The following ZSCAN23 variants were observed in gnomAD, a reference collection of about 807,000 sequenced individuals.
ZSCAN23 encodes the protein zinc finger and SCAN domain containing 23.
In ZSCAN23, 19 loss-of-function variants were observed where a neutral mutation model predicts 19.3. The observed-to-expected ratio is 0.99, with a 90% CI of 0.69 to 1.45. The LOEUF (loss-of-function observed/expected upper bound fraction) is 1.45. Ranked by LOEUF, ZSCAN23 falls within the 40% of genes most tolerant of loss-of-function variation. ZSCAN23 has a pLI of 0.00. For missense variants in ZSCAN23, 372 were observed against 462.5 expected, an observed-to-expected ratio of 0.80 and a Z score of 1.79; for synonymous variants, 140 against 166.2, an observed-to-expected ratio of 0.84 and a Z score of 1.21.
rs1373330837 is a variant in ZSCAN23 at position 28,433,746 on chromosome 6, GT to G, written c.*718del. On this transcript the variant is annotated 3_prime_UTR_variant, in exon 4 of 4. Transcript: ENST00000289788. ...AAAAACAAAAAAATGCTCATTATAT[GT>G]TACGGGAAAAATACAAAGAGGCCTG... 2 of 152,040 alleles carry G rather than the reference GT, an allele frequency of 1.3e-5. No homozygotes were observed. Among genetic ancestry groups the G allele is most frequent in the African/African-American group, 4.8e-5 (2 of 41,414 alleles). The allele number at this position is 152,040 out of a possible 1,614,324, so 9.4% of individuals were successfully genotyped here. A position where few individuals can be genotyped will look rare whatever the true frequency, so the allele number is the denominator to read the frequency against.
intron 1 of ZSCAN23, among the ~76,000 whole-genome samples, chr6:28,440,140 G>T (rs1761974010): frequency 6.6e-6 from 1 of 152,196 alleles, no homozygotes; most frequent in South Asian, 2.1e-4. Flanking sequence ...AAAGGTAACT[G>T]CCAAGTGCAA....
At chr6:28,426,103 A>G in the ZSCAN23 span, among the ~76,000 whole-genome samples, 1 of 152,196 alleles carries the variant, frequency 6.6e-6, no homozygotes, top group East Asian at 1.9e-4. Context: ...AGATCACTCA[A>G]ACTTTCTCCG....
intron 1 of ZSCAN23, among the ~76,000 whole-genome samples, chr6:28,438,990 A>C (rs1462302326): frequency 6.6e-6 from 1 of 152,200 alleles, no homozygotes; most frequent in African/African-American, 2.4e-5. Flanking sequence ...AATCCTCTCC[A>C]TAAAGTTCTG....
At chr6:28,439,082 C>A (rs1761950896) in intron 1 of ZSCAN23, among the ~76,000 whole-genome samples, 1 of 151,772 alleles carries the variant, frequency 6.6e-6, no homozygotes, top group Non-Finnish European at 1.5e-5. Flanking sequence ...ACAGAATCTG[C>A]AAATTCATGT....
intron 1 of ZSCAN23, among the ~76,000 whole-genome samples, chr6:28,441,990 G>T (rs763916300): frequency 6.7e-6 from 1 of 150,140 alleles, no homozygotes; most frequent in Non-Finnish European, 1.5e-5. Context: ...CAATCCTCCT[G>T]CCTCAGCTTC....
rs1417948605 is a variant in ZSCAN23, at chr6:28,443,441, T to A, written c.-120A>T. On this transcript the variant is annotated 5_prime_UTR_variant, in exon 1 of 4. The change abolishes an upstream ATG in the 5' untranslated region. Transcript: ENST00000289788. Reference sequence around the variant, plus strand: ...GAGATGCCACCTAGCGCAGATCACATCTGCTCTGAATCCTTGACAACCGCA... The same window carrying A: ...GAGATGCCACCTAGCGCAGATCACAACTGCTCTGAATCCTTGACAACCGCA... 6.6e-6 allele frequency: 1 copy of A among 152,236 alleles called. No individual in the cohort carries two copies. The highest frequency in any genetic ancestry group is 6.5e-5 in the Admixed American group (1 of 15,284). 9.4% of individuals were successfully genotyped at this position (152,236 alleles called of 1,614,324 possible).
downstream of ZSCAN23, among the ~76,000 whole-genome samples, chr6:28,428,938 A>G (rs1384930774): frequency 1.3e-5 from 2 of 152,144 alleles, no homozygotes; most frequent in Non-Finnish European, 2.9e-5. Context: ...ATTCCTCAGC[A>G]TATTTCAGTT....
rs574912569 is a variant in ZSCAN23 at position 28,440,141 on chromosome 6, C to T, written c.-78+3258G>A. 2.0e-5 allele frequency among the ~76,000 whole-genome samples: 3 copies of T among 152,250 alleles called. No homozygotes were observed. In the East Asian group the frequency reaches 5.8e-4, roughly 29 times the overall value. On this transcript the variant is annotated intron_variant, in intron 1 of 3. Coordinates refer to ENST00000289788, the MANE Select transcript of ZSCAN23 (RefSeq NM_001012455.2). The stretch of plus-strand genomic sequence containing the variant: ...AGACTGTTCCATGCAAAGGTAACTG[C>T]CAAGTGCAAATTTTTGCAGGTGGGA...
the ZSCAN23 span, among the ~76,000 whole-genome samples, chr6:28,424,859 C>T: frequency 5.3e-5 from 8 of 152,316 alleles, no homozygotes; most frequent in Admixed American, 5.2e-4. Flanking sequence ...CTTCCAAACT[C>T]CTGTTCATGT....
rs2114035208 is a variant in ZSCAN23, at chr6:28,436,244, T to C, written c.23A>G (p.Gln8Arg). The C allele has an allele frequency of 6.4e-7, 1 of 1,550,990 alleles. No individual in the cohort carries two copies. Among genetic ancestry groups the C allele is most frequent in the East Asian group, 2.4e-5 (1 of 40,916 alleles). MAITLTL[Q>R]TAEMQEGLLA... ...AAGTCCTTCCTGCATCTCTGCAGTC[T>C]GAAGGGTCAAGGTTATGGCCATCAA... Residue 8 changes from glutamine to arginine, a missense_variant, in exon 2 of 4, where the codon CAG (glutamine) becomes CGG (arginine). Gln to Arg is a conservative substitution (Grantham distance 43). Transcript: ENST00000289788.
chr6:28,429,990 T>C (rs892528030), downstream of ZSCAN23, among the ~76,000 whole-genome samples: 8 of 128,384 alleles, frequency 6.2e-5, no homozygotes, highest in Non-Finnish European at 1.2e-4. Context: ...AGTGGTTCAT[T>C]TGTGCACACC....
chr6:28,424,270 TAA>T, the ZSCAN23 span, among the ~76,000 whole-genome samples: 3 of 152,222 alleles, frequency 2.0e-5, no homozygotes, highest in African/African-American at 7.2e-5. Context: ...ATACCTTAAT[TAA>T]AAGATACTTT....
the ZSCAN23 span, among the ~76,000 whole-genome samples, chr6:28,422,603 A>G: frequency 6.6e-6 from 1 of 152,198 alleles, no homozygotes; most frequent in Non-Finnish European, 1.5e-5. This position sits in a 1 kb window ranked among gnomAD's most constrained non-coding sequence, Gnocchi z 4.0. Flanking sequence ...TCAATATAGA[A>G]AAACATTCTC....
the ZSCAN23 span, among the ~76,000 whole-genome samples, chr6:28,424,641 T>C: frequency 3.3e-5 from 5 of 152,364 alleles, no homozygotes; most frequent in East Asian, 7.7e-4. Context: ...GGAGTAGATT[T>C]CATCCTAAGA....
intron 3 of ZSCAN23, 72 bp from the exon 4 acceptor site, chr6:28,435,150 A>G (rs1761852246): frequency 6.9e-7 from 1 of 1,445,778 alleles, no homozygotes; most frequent in Non-Finnish European, 9.1e-7. Context: ...AAGACAAAAG[A>G]AAAAAAGTGG....
At chr6:28,422,944 C>T in the ZSCAN23 span, among the ~76,000 whole-genome samples, 1 of 152,152 alleles carries the variant, frequency 6.6e-6, no homozygotes, top group African/African-American at 2.4e-5. The surrounding 1 kb of genome is among the most constrained non-coding windows in gnomAD (Gnocchi z 4.0). Context: ...GTGAAACTCC[C>T]AACATTCAGA....
At chr6:28,428,801 T>C (rs1415329490), downstream of ZSCAN23, among the ~76,000 whole-genome samples, 7 of 152,202 alleles carry the variant, frequency 4.6e-5, no homozygotes, top group African/African-American at 1.7e-4. Context: ...TTCAAATGGC[T>C]TATAGGAGTA....
At chr6:28,427,638 C>G (rs1761683367), downstream of ZSCAN23, among the ~76,000 whole-genome samples, 1 of 152,190 alleles carries the variant, frequency 6.6e-6, no homozygotes. Context: ...TTATTATAAT[C>G]TTATGGAACT....
Position 28,435,999 on chromosome 6 carries a change from G to A in ZSCAN23, c.268C>T (p.Leu90=). The change falls in exon 2 of 4, where the codon CTG becomes TTG. Residue 90 remains leucine, a synonymous_variant. Coordinates refer to ENST00000289788, the MANE Select transcript of ZSCAN23 (RefSeq NM_001012455.2). The stretch of plus-strand genomic sequence containing the variant: ...GTCAGGAACTGCTCCAGCACCAGCA[G>A]CTCTAGGATCTGCTCCTTGGTGTGC... The part of the protein sequence containing the change: ...EMHTKEQILE[L]LVLEQFLTIL... 6.2e-7 allele frequency: 1 copy of A among 1,614,224 alleles called. No individual in the cohort carries two copies. The highest frequency in any genetic ancestry group is 1.1e-5 in the South Asian group (1 of 91,086).
Sources: allele counts gnomAD v4.1 joint callset (sites outside exome capture counted in the v4.1 genomes callset), GRCh38; gene constraint gnomAD v4.1.1; non-coding constraint Gnocchi (gnomAD v3.1); transcripts MANE v1.5; gene names NCBI Gene and HGNC (gene_info 2026-07-23, HGNC 2026-07-21).